Variants in NPAS3 observed in about 807,000 individuals in gnomAD.
The protein encoded by NPAS3 is neuronal PAS domain-containing protein 3.
A neutral mutation model predicts 73.1 loss-of-function variants in NPAS3; 14 were observed. The observed-to-expected ratio is 0.19, with a 90% CI of 0.13 to 0.30. NPAS3 has a LOEUF of 0.30. Among genes scored for constraint, NPAS3 ranks in the 10% least tolerant of loss-of-function variants. The probability of loss-of-function intolerance (pLI) is 1.00; values close to 1 mark genes in which losing one functional copy is unlikely to be tolerated. For synonymous variants in NPAS3, 620 were observed against 541.5 expected (o/e 1.14, Z -2.01); for missense variants, 1,096 against 1,250.0 (o/e 0.88, Z 1.86).
chr14:33,367,831 A>G (rs2045911969), intron 4 of NPAS3, among the ~76,000 whole-genome samples: 1 of 152,200 alleles, frequency 6.6e-6, no homozygotes, highest in African/African-American at 2.4e-5. Context: ...AGTGAACTTC[A>G]TGAAAAATAA....
At chr14:33,734,235 G>A (rs1267486687) in intron 6 of NPAS3, among the ~76,000 whole-genome samples, 1 of 151,964 alleles carries the variant, frequency 6.6e-6, no homozygotes, top group Non-Finnish European at 1.5e-5. Context: ...AACTTAAGAA[G>A]AGTATAAATT....
At chr14:33,492,548 G>C (rs928747296) in intron 4 of NPAS3, among the ~76,000 whole-genome samples, 1 of 152,152 alleles carries the variant, frequency 6.6e-6, no homozygotes, top group African/African-American at 2.4e-5. Flanking sequence ...AAGATGTGTA[G>C]AAGATTTCAT....
chr14:33,687,702 A>G (rs577836003), intron 6 of NPAS3, among the ~76,000 whole-genome samples: 2 of 152,364 alleles, frequency 1.3e-5, no homozygotes, highest in African/African-American at 2.4e-5. Flanking sequence ...ATGTAAAAAC[A>G]TAGTTGCATG....
chr14:33,161,711 G>C (rs1293264137), intron 2 of NPAS3, among the ~76,000 whole-genome samples: 2 of 152,322 alleles, frequency 1.3e-5, no homozygotes, highest in South Asian at 4.1e-4. Context: ...GCGGTACAGG[G>C]GAGAACTGGA....
intron 3 of NPAS3, among the ~76,000 whole-genome samples, chr14:33,364,593 G>C (rs2045750533): frequency 6.6e-6 from 1 of 152,146 alleles, no homozygotes; most frequent in Non-Finnish European, 1.5e-5. Context: ...CAAGATACTT[G>C]TATATTATGC....
intron 1 of NPAS3, among the ~76,000 whole-genome samples, chr14:32,962,661 C>A (rs2036983015): frequency 7.0e-6 from 1 of 142,468 alleles, no homozygotes; most frequent in Non-Finnish European, 1.5e-5. Context: ...CTCCCGGGTT[C>A]AAGCAATTTT....
intron 3 of NPAS3, among the ~76,000 whole-genome samples, chr14:33,358,046 G>A (rs931712136): frequency 2.0e-5 from 3 of 152,148 alleles, no homozygotes; most frequent in African/African-American, 4.8e-5. Flanking sequence ...CCTTCTCCCA[G>A]CAGAGAGGAC....
At chr14:33,372,208 C>A (rs1395393544) in intron 4 of NPAS3, among the ~76,000 whole-genome samples, 1 of 152,122 alleles carries the variant, frequency 6.6e-6, no homozygotes. Flanking sequence ...TCCCTGCTAC[C>A]TGTGCCCCAG....
At chr14:32,955,343 G>T (rs1170127039) in intron 1 of NPAS3, among the ~76,000 whole-genome samples, 2 of 152,098 alleles carry the variant, frequency 1.3e-5, no homozygotes, top group East Asian at 1.9e-4. Flanking sequence ...TGGATACATT[G>T]CAGTCTTTCT....
At chr14:33,574,815 G>A (rs2056368642) in intron 5 of NPAS3, among the ~76,000 whole-genome samples, 1 of 152,164 alleles carries the variant, frequency 6.6e-6, no homozygotes, top group Non-Finnish European at 1.5e-5. Flanking sequence ...CTCTTCTGCT[G>A]AGAAGTGGGG....
At chr14:33,583,297 C>T (rs542747208) in intron 5 of NPAS3, 21 of 152,266 alleles carry the variant, frequency 1.4e-4, no homozygotes, top group African/African-American at 4.8e-4. Context: ...CTTCAGGGTT[C>T]CAGTCGCACC....
chr14:33,136,427 T>A (rs1165709797), intron 2 of NPAS3, among the ~76,000 whole-genome samples: 1 of 152,216 alleles, frequency 6.6e-6, no homozygotes. Flanking sequence ...ACCATGTCCA[T>A]GATAACCTTT....
intron 1 of NPAS3, among the ~76,000 whole-genome samples, chr14:32,989,657 AC>A (rs2038244877): frequency 8.2e-6 from 1 of 121,880 alleles, no homozygotes; most frequent in Non-Finnish European, 1.6e-5. Context: ...AACAACAACA[AC>A]AACAACAACA....
chr14:32,985,700 A>C (rs2038069037), intron 1 of NPAS3, among the ~76,000 whole-genome samples: 1 of 152,322 alleles, frequency 6.6e-6, no homozygotes, highest in East Asian at 1.9e-4. Context: ...AAGCAGAAAA[A>C]AAGATTTCAG....
intron 4 of NPAS3, among the ~76,000 whole-genome samples, chr14:33,487,912 CTG>C (rs2051692840): frequency 6.6e-6 from 1 of 152,122 alleles, no homozygotes; most frequent in Non-Finnish European, 1.5e-5. Context: ...ACACTTATAT[CTG>C]TCTTTCGAAT....
intron 3 of NPAS3, among the ~76,000 whole-genome samples, chr14:33,247,545 G>T: frequency 6.6e-6 from 1 of 152,166 alleles, no homozygotes; most frequent in East Asian, 1.9e-4. Flanking sequence ...GGACAGCGGG[G>T]CATTGTGCAT....
At chr14:32,944,070 G>C (rs771670863) in intron 1 of NPAS3, among the ~76,000 whole-genome samples, 1 of 152,152 alleles carries the variant, frequency 6.6e-6, no homozygotes, top group Non-Finnish European at 1.5e-5. Context: ...ACTTCCTTAA[G>C]TGCTTTACTA....
At chr14:33,782,720 G>A in intron 9 of NPAS3, among the ~76,000 whole-genome samples, 1 of 151,874 alleles carries the variant, frequency 6.6e-6, no homozygotes, top group South Asian at 2.1e-4. Context: ...AGAAAACTCT[G>A]GAAGAGTTAT....
intron 4 of NPAS3, among the ~76,000 whole-genome samples, chr14:33,546,091 G>A (rs2054830412): frequency 1.3e-5 from 2 of 152,130 alleles, no homozygotes; most frequent in Admixed American, 1.3e-4. Context: ...CTCTTAGTGA[G>A]GCCAGGAGTC....
Sources: gnomAD v4.1 joint callset for allele counts (sites outside exome capture counted in the v4.1 genomes callset) on GRCh38, gnomAD v4.1.1 for gene constraint, MANE v1.5 for transcripts, NCBI Gene and HGNC (gene_info 2026-07-23, HGNC 2026-07-21) for gene names.